CHRM3: variants seen among roughly 807,000 people sequenced by gnomAD.
CHRM3 encodes muscarinic acetylcholine receptor M3.
A neutral mutation model predicts 41.8 loss-of-function variants in CHRM3; 11 were observed. That is an observed-to-expected ratio of 0.26 (90% CI 0.17 to 0.44). The LOEUF is 0.44. Ranked by LOEUF, CHRM3 falls within the 20% of genes least tolerant of loss-of-function variation. The probability of loss-of-function intolerance (pLI) is 1.00; values close to 1 mark genes in which losing one functional copy is unlikely to be tolerated. For missense variants in CHRM3, 571 were observed against 745.4 expected (o/e 0.77, Z 2.72); for synonymous variants, 297 against 301.4 (o/e 0.99, Z 0.15).
intron 1 of CHRM3, among the ~76,000 whole-genome samples, chr1:239,466,440 A>G (rs1344863968): frequency 2.6e-5 from 4 of 152,190 alleles, no homozygotes; most frequent in Non-Finnish European, 4.4e-5. Flanking sequence ...GGTTTATGAT[A>G]TCAATAAGGC....
intron 6 of CHRM3, among the ~76,000 whole-genome samples, chr1:239,857,400 A>T (rs762967263): frequency 6.6e-6 from 1 of 152,196 alleles, no homozygotes; most frequent in Non-Finnish European, 1.5e-5. Flanking sequence ...TGATACTACC[A>T]CGAATAAGTT....
At chr1:239,810,937 C>T (rs1403440786) in intron 5 of CHRM3, among the ~76,000 whole-genome samples, 1 of 152,224 alleles carries the variant, frequency 6.6e-6, no homozygotes, top group Non-Finnish European at 1.5e-5. Context: ...AACTGAGCTA[C>T]GGCTTCCAAA....
At chr1:239,866,871 G>A (rs553234094) in intron 6 of CHRM3, among the ~76,000 whole-genome samples, 8 of 152,150 alleles carry the variant, frequency 5.3e-5, no homozygotes, top group Admixed American at 1.3e-4. Flanking sequence ...GCATACTCAT[G>A]CCATTAGATC....
intron 6 of CHRM3, among the ~76,000 whole-genome samples, chr1:239,859,401 T>TTTG (rs1174146717): frequency 2.7e-5 from 4 of 145,948 alleles, no homozygotes; most frequent in South Asian, 4.3e-4. Flanking sequence ...GCCTGTTTTT[T>TTTG]TTGTTGTTGT....
intron 3 of CHRM3, among the ~76,000 whole-genome samples, chr1:239,546,969 A>G (rs1247856856): frequency 2.6e-5 from 4 of 152,188 alleles, no homozygotes; most frequent in Admixed American, 1.3e-4. Context: ...ACAACTGAAA[A>G]TGTAATCTTA....
intron 6 of CHRM3, among the ~76,000 whole-genome samples, chr1:239,902,835 G>T (rs1179420594): frequency 6.6e-6 from 1 of 152,174 alleles, no homozygotes; most frequent in African/African-American, 2.4e-5. Context: ...ATGCCTATAA[G>T]TCATTTCCCT....
At chr1:239,693,706 A>G (rs959430458) in intron 5 of CHRM3, among the ~76,000 whole-genome samples, 16 of 152,182 alleles carry the variant, frequency 1.1e-4, no homozygotes, top group Non-Finnish European at 4.4e-5. Context: ...AGTGGGGGCA[A>G]GGTGAGGGTG....
intron 1 of CHRM3, among the ~76,000 whole-genome samples, chr1:239,484,884 T>TA (rs1187660432): frequency 1.3e-5 from 2 of 152,114 alleles, no homozygotes; most frequent in South Asian, 2.1e-4. Flanking sequence ...AGGGATCTTA[T>TA]AAAAAAGGCC....
intron 5 of CHRM3, among the ~76,000 whole-genome samples, chr1:239,759,546 C>T (rs1666559894): frequency 6.6e-6 from 1 of 152,088 alleles, no homozygotes; most frequent in Non-Finnish European, 1.5e-5. Context: ...TCCAATAAAA[C>T]AGCAGTATGT....
intron 4 of CHRM3, among the ~76,000 whole-genome samples, chr1:239,661,896 T>A (rs1673228908): frequency 6.6e-6 from 1 of 152,020 alleles, no homozygotes; most frequent in African/African-American, 2.4e-5. Context: ...CAAAGGAAAC[T>A]GTGTGTGAGA....
chr1:239,894,891 C>A (rs7532278), intron 6 of CHRM3, among the ~76,000 whole-genome samples: 3 of 152,208 alleles, frequency 2.0e-5, no homozygotes, highest in African/African-American at 7.2e-5. Context: ...TGAAGTCTCA[C>A]GGCTCATAAG....
chr1:239,602,108 G>A (rs1361096626), intron 3 of CHRM3, among the ~76,000 whole-genome samples: 50 of 129,392 alleles, frequency 3.9e-4, no homozygotes, highest in African/African-American at 1.2e-3. Context: ...GTGTGTGTGT[G>A]TGTATATATA....
chr1:239,833,190 C>T (rs988354653), intron 6 of CHRM3, among the ~76,000 whole-genome samples: 5 of 152,138 alleles, frequency 3.3e-5, no homozygotes, highest in African/African-American at 1.2e-4. Context: ...CAGGCGTGGA[C>T]CAGAGGTTAA....
chr1:239,856,353 G>A (rs896834227), intron 6 of CHRM3, among the ~76,000 whole-genome samples: 8 of 152,036 alleles, frequency 5.3e-5, no homozygotes, highest in East Asian at 3.9e-4. Flanking sequence ...ATGGTTTAGC[G>A]CCGTCCCCCT....
At chr1:239,777,498 A>G (rs187765846) in intron 5 of CHRM3, among the ~76,000 whole-genome samples, 1 of 152,362 alleles carries the variant, frequency 6.6e-6, no homozygotes, top group Non-Finnish European at 1.5e-5. Flanking sequence ...CTGAATGGCA[A>G]TGGAAACTTC....
intron 6 of CHRM3, among the ~76,000 whole-genome samples, chr1:239,844,499 A>G (rs1159864925): frequency 6.6e-6 from 1 of 152,190 alleles, no homozygotes; most frequent in Non-Finnish European, 1.5e-5. Context: ...ACATTTAAGA[A>G]TAAATTTGGT....
chr1:239,842,465 C>T (rs1673894432), intron 6 of CHRM3, among the ~76,000 whole-genome samples: 1 of 152,102 alleles, frequency 6.6e-6, no homozygotes, highest in South Asian at 2.1e-4. Context: ...GAACTCCTGA[C>T]ATCAGGTGAT....
intron 1 of CHRM3, among the ~76,000 whole-genome samples, chr1:239,399,664 C>T (rs781689873): frequency 2.0e-5 from 3 of 151,948 alleles, no homozygotes; most frequent in Non-Finnish European, 2.9e-5. Context: ...CATTTGGTTG[C>T]GGAGGAAGAA....
chr1:239,698,227 C>T (rs1190185184), intron 5 of CHRM3, among the ~76,000 whole-genome samples: 1 of 152,148 alleles, frequency 6.6e-6, no homozygotes, highest in African/African-American at 2.4e-5. Flanking sequence ...CTTGACATTA[C>T]TACATAATTA....
Sources: gnomAD v4.1 joint callset for allele counts (sites outside exome capture counted in the v4.1 genomes callset) on GRCh38, gnomAD v4.1.1 for gene constraint, MANE v1.5 for transcripts, NCBI Gene and HGNC (gene_info 2026-07-23, HGNC 2026-07-21) for gene names.